The following CFAP99 variants were observed in gnomAD, a reference collection of about 807,000 sequenced individuals.
CFAP99 encodes cilia and flagella associated protein 99, also known as cilia- and flagella-associated protein 99.
CFAP99 carries 84 observed loss-of-function variants against 82.7 expected under a neutral mutation model. The observed-to-expected ratio is 1.02, with a 90% confidence interval of 0.85 to 1.22. The LOEUF (loss-of-function observed/expected upper bound fraction) is 1.22. Among genes scored for constraint, CFAP99 ranks in the 50% most tolerant of loss-of-function variants. The pLI is 0.00. For synonymous variants in CFAP99, 456 were observed against 429.5 expected (o/e 1.06, Z -0.76); for missense variants, 1,059 against 983.5 (o/e 1.08, Z -1.03).
At chr4:2,459,614 A>C (rs566868532) in intron 13 of CFAP99, among the ~76,000 whole-genome samples, 1 of 152,134 alleles carries the variant, frequency 6.6e-6, no homozygotes, top group African/African-American at 2.4e-5. Flanking sequence ...TGGAGGCTGC[A>C]TGGAGCAGGA....
rs536145125 is a variant in CFAP99, at chr4:2,458,609, A to G, written c.1162-114A>G. 2.2e-3 allele frequency: 3,005 copies of G among 1,343,008 alleles called. 5 individuals are homozygous for G. The highest frequency in any genetic ancestry group is 2.7e-3 in the Non-Finnish European group (2,741 of 1,015,734). 83.2% of individuals were successfully genotyped at this position (1,343,008 alleles called of 1,614,324 possible). On this transcript the variant is annotated intron_variant, in intron 11 of 14. Coordinates refer to ENST00000635017, the Ensembl canonical transcript of CFAP99. Reference sequence around the variant, plus strand: ...TAGACCTGGGTTCTGGGGTGATTCAAGGGCAGGGACTGGGTCCACCTTCAG... The same window carrying G: ...TAGACCTGGGTTCTGGGGTGATTCAGGGGCAGGGACTGGGTCCACCTTCAG...
At chr4:2,447,534 T>C (rs1346076997) in intron 6 of CFAP99, among the ~76,000 whole-genome samples, 1 of 151,546 alleles carries the variant, frequency 6.6e-6, no homozygotes, top group Non-Finnish European at 1.5e-5. Flanking sequence ...GATAGATGGA[T>C]AGATGGATGA....
chr4:2,447,929 G>GTGGA (rs58535148), intron 6 of CFAP99, among the ~76,000 whole-genome samples: 2,268 of 139,804 alleles, frequency 0.016, 42 homozygotes, highest in African/African-American at 0.039. Flanking sequence ...GAATGGATGG[G>GTGGA]TGGATGGATG....
chr4:2,420,713 A>C (rs1351245166), intron 1 of CFAP99, among the ~76,000 whole-genome samples: 1 of 152,188 alleles, frequency 6.6e-6, no homozygotes, highest in East Asian at 1.9e-4. Flanking sequence ...TATTTTTATA[A>C]AAGAGGTCCA....
Position 2,448,753 on chromosome 4 carries a change from G to C in CFAP99, c.643-917G>C, listed in dbSNP as rs538043576. ...GTGGAGTGAGGCAGGGAAGAGGGAA[G>C]GCGGGGTACCGGTCTGGTCACACAT... is the stretch of plus-strand genomic sequence containing the variant. On this transcript the variant is annotated intron_variant, in intron 6 of 14. Transcript: ENST00000635017. This position sits in a 1 kb window ranked among gnomAD's most constrained non-coding sequence, Gnocchi z 5.2. Among the ~76,000 whole-genome samples the C allele has an allele frequency of 3.5e-4, 53 of 152,358 alleles. No homozygotes were observed. The highest frequency in any genetic ancestry group is 1.2e-3 in the African/African-American group (51 of 41,588).
At chr4:2,427,201 C>T (rs1560376823) in intron 2 of CFAP99, 1 of 154,760 alleles carries the variant, frequency 6.5e-6, no homozygotes, top group Non-Finnish European at 1.4e-5. Flanking sequence ...CCTGGGTTTT[C>T]CTCACAGCTC....
chr4:2,421,350 C>CTTTTTTTTTTTTTTTT, intron 1 of CFAP99, among the ~76,000 whole-genome samples: 1 of 96,984 alleles, frequency 1.0e-5, no homozygotes, highest in Non-Finnish European at 1.9e-5. Context: ...TCTGCCCACC[C>CTTTTTTTTTTTTTTTT]TTTTTTTTTT....
chr4:2,420,302 C>T (rs1733547529), intron 1 of CFAP99, among the ~76,000 whole-genome samples: 1 of 152,118 alleles, frequency 6.6e-6, no homozygotes, highest in Admixed American at 6.6e-5. Context: ...AAACCTATAT[C>T]TCTAGCCTCA....
At chr4:2,439,332 T>C (rs1376144127) in intron 4 of CFAP99, among the ~76,000 whole-genome samples, 1 of 152,162 alleles carries the variant, frequency 6.6e-6, no homozygotes, top group East Asian at 1.9e-4. Context: ...TTACTCTGCA[T>C]GGAGGGGACA....
At chr4:2,452,956 G>A (rs890810532) in intron 11 of CFAP99, among the ~76,000 whole-genome samples, 1 of 152,056 alleles carries the variant, frequency 6.6e-6, no homozygotes, top group South Asian at 2.1e-4. Context: ...CCACCTACTC[G>A]GGAGGCTGAG....
rs1560392588 is a variant in CFAP99, at chr4:2,462,413, TG to T, written c.1662-29del. On this transcript the variant is annotated intron_variant, in intron 14 of 14. Coordinates refer to ENST00000635017, the Ensembl canonical transcript of CFAP99. This position sits in a 1 kb window ranked among gnomAD's most constrained non-coding sequence, Gnocchi z 4.1. Reference sequence around the variant, plus strand: ...GTCTGGCCTGGGCCTCCCGCCGGCCTGCTCCTGAGCCCGCCGCGTCGCCCGC... The same window carrying T: ...GTCTGGCCTGGGCCTCCCGCCGGCCTCTCCTGAGCCCGCCGCGTCGCCCGC... The T allele has an allele frequency of 2.9e-6, 4 of 1,402,198 alleles. No homozygotes were observed. The highest frequency in any genetic ancestry group is 2.7e-6 in the Non-Finnish European group (3 of 1,091,628). The allele number at this position is 1,402,198 out of a possible 1,614,324, so 86.9% of individuals were successfully genotyped here. A position where few individuals can be genotyped will look rare whatever the true frequency, so the allele number is the denominator to read the frequency against.
chr4:2,454,027 C>G (rs773090694), intron 11 of CFAP99, among the ~76,000 whole-genome samples: 14 of 151,836 alleles, frequency 9.2e-5, no homozygotes, highest in Non-Finnish European at 2.1e-4. Context: ...GAGACAGAGT[C>G]TTGCTCTGTC....
rs112340263 is a variant in CFAP99 at position 2,446,362 on chromosome 4, ATTG to A, written c.642+1060_642+1062del. Among the ~76,000 whole-genome samples the A allele has an allele frequency of 6.8e-6, 1 of 147,140 alleles. No homozygotes were observed. On this transcript the variant is annotated intron_variant, in intron 6 of 14. Transcript: ENST00000635017. The surrounding 1 kb of genome is among the most constrained non-coding windows in gnomAD (Gnocchi z 5.0). ...TATTCTCTTTTTATTTCATTTTATT[ATTG>A]TTGTTATTATTATTATTATTATTAT...
At chr4:2,453,816 ATT>A (rs34930865) in intron 11 of CFAP99, among the ~76,000 whole-genome samples, 43 of 132,530 alleles carry the variant, frequency 3.2e-4, no homozygotes, top group Middle Eastern at 3.8e-3. Context: ...ATATAACATG[ATT>A]TTTTTTTTTT....
intron 4 of CFAP99, among the ~76,000 whole-genome samples, 186 bp from the exon 5 acceptor site, chr4:2,442,938 TGGGGGG>T (rs1734080073): frequency 2.2e-5 from 1 of 46,472 alleles, no homozygotes; most frequent in African/African-American, 8.9e-5. Flanking sequence ...CTGGGGGCCT[TGGGGGG>T]AGCCACTGGG....
At chr4:2,454,891 G>C (rs1734391736) in intron 11 of CFAP99, among the ~76,000 whole-genome samples, 1 of 150,698 alleles carries the variant, frequency 6.6e-6, no homozygotes, top group African/African-American at 2.4e-5. Context: ...CAAAGTGCTG[G>C]GATTACAGGT....
chr4:2,441,370 C>A (rs1358060867), intron 4 of CFAP99, among the ~76,000 whole-genome samples: 2 of 83,642 alleles, frequency 2.4e-5, no homozygotes, highest in Non-Finnish European at 4.1e-5. Context: ...GAGACTCCAT[C>A]TCAAAAAAAA....
exon 9 of CFAP99, chr4:2,451,009 C>T: frequency 6.5e-7 from 1 of 1,536,022 alleles, no homozygotes; most frequent in Non-Finnish European, 8.7e-7. Context: ...CGAAGCTGAC[C>T]TTCTATAGGG....
At chr4:2,441,958 G>C (rs1578473227) in intron 4 of CFAP99, among the ~76,000 whole-genome samples, 3 of 152,204 alleles carry the variant, frequency 2.0e-5, no homozygotes, top group Non-Finnish European at 4.4e-5. Context: ...ACCTGTAGGG[G>C]GCTGATGGCC....
Sources: allele counts gnomAD v4.1 joint callset (sites outside exome capture counted in the v4.1 genomes callset), GRCh38; gene constraint gnomAD v4.1.1; non-coding constraint Gnocchi (gnomAD v3.1); transcripts MANE v1.5; gene names NCBI Gene and HGNC (gene_info 2026-07-23, HGNC 2026-07-21).